Variants in UEVLD observed in about 807,000 individuals in gnomAD.
UEVLD encodes UEV and lactate/malate dehyrogenase domains.
A neutral mutation model predicts 58.6 loss-of-function variants in UEVLD; 47 were observed. The observed-to-expected ratio is 0.80, with a 90% CI of 0.63 to 1.02. UEVLD has a LOEUF of 1.02. Among genes scored for constraint, UEVLD ranks in the 50% least tolerant of loss-of-function variants. The pLI, the probability that UEVLD is intolerant of heterozygous loss-of-function variation, is 0.00. For synonymous variants in UEVLD, 197 were observed against 195.3 expected (o/e 1.01, Z -0.07); for missense variants, 510 against 550.6 (o/e 0.93, Z 0.74).
intron 1 of UEVLD, among the ~76,000 whole-genome samples, chr11:18,583,628 G>C (rs1002084134): frequency 1.4e-4 from 2 of 14,044 alleles, no homozygotes; most frequent in Non-Finnish European, 3.6e-4. Flanking sequence ...GTTTTTAGCA[G>C]GAAGGAATCT....
intron 1 of UEVLD, among the ~76,000 whole-genome samples, chr11:18,585,399 TC>T (rs755717510): frequency 1.2e-4 from 18 of 152,230 alleles, no homozygotes; most frequent in Non-Finnish European, 4.4e-5. Flanking sequence ...AGGTACAATT[TC>T]ATTTTTCTCA....
At chr11:18,550,886 T>A (rs771438278) in intron 7 of UEVLD, among the ~76,000 whole-genome samples, 2 of 152,212 alleles carry the variant, frequency 1.3e-5, no homozygotes, top group Admixed American at 1.3e-4. Flanking sequence ...TTCTGAAGAT[T>A]TTACTTAAAT....
intron 11 of UEVLD, 89 bp from the exon 12 acceptor site, chr11:18,532,576 G>T: frequency 1.8e-6 from 2 of 1,132,446 alleles, no homozygotes; most frequent in Non-Finnish European, 1.2e-6. Context: ...TTCTTAACTA[G>T]GACAAAGTGA....
At chr11:18,532,606 A>C (rs1041457426) in intron 11 of UEVLD, 119 bp from the exon 12 acceptor site, 3 of 815,588 alleles carry the variant, frequency 3.7e-6, no homozygotes, top group African/African-American at 3.6e-5. Context: ...GACTTAAAAA[A>C]ATTTTTTTGT....
At chr11:18,556,808 T>C (rs1024021505) in intron 7 of UEVLD, among the ~76,000 whole-genome samples, 1 of 152,008 alleles carries the variant, frequency 6.6e-6, no homozygotes, top group Non-Finnish European at 1.5e-5. Context: ...AAAAATGAGA[T>C]AGGGCAGGGT....
chr11:18,533,062 CTT>C (rs530237376), intron 11 of UEVLD, among the ~76,000 whole-genome samples: 13 of 133,928 alleles, frequency 9.7e-5, no homozygotes, highest in Admixed American at 1.5e-4. Flanking sequence ...CTTTTCTTTT[CTT>C]TTTTTTTTTT....
At chr11:18,581,677 CAAAA>C (rs11443134) in intron 1 of UEVLD, among the ~76,000 whole-genome samples, 1 of 99,156 alleles carries the variant, frequency 1.0e-5, no homozygotes, top group Non-Finnish European at 2.2e-5. Flanking sequence ...GACACTGTCT[CAAAA>C]AAAAAAAAAA....
intron 3 of UEVLD, among the ~76,000 whole-genome samples, chr11:18,574,848 T>C (rs1852817703): frequency 6.6e-6 from 1 of 152,180 alleles, no homozygotes; most frequent in African/African-American, 2.4e-5. Context: ...GATAATGCTA[T>C]ATCACATAGA....
intron 1 of UEVLD, among the ~76,000 whole-genome samples, chr11:18,580,420 T>C (rs1037858822): frequency 2.6e-5 from 4 of 152,146 alleles, no homozygotes; most frequent in African/African-American, 7.2e-5. Context: ...CAATTGTTCA[T>C]AGCAGCATTA....
intron 6 of UEVLD, chr11:18,563,831 CCTG>C (rs1852155934): frequency 3.7e-6 from 1 of 273,026 alleles, no homozygotes; most frequent in Non-Finnish European, 5.9e-6. Flanking sequence ...ATGGCAAAAC[CCTG>C]TCTCTGCTAA....
At chr11:18,579,532 T>G (rs1429309391) in intron 1 of UEVLD, 1 of 983,340 alleles carries the variant, frequency 1.0e-6, no homozygotes, top group Non-Finnish European at 1.2e-6. Flanking sequence ...ATACCTCGAC[T>G]TTCCCCTCCC....
chr11:18,588,585 C>A, intron 1 of UEVLD, 28 bp downstream of exon 1: 1 of 1,608,130 alleles, frequency 6.2e-7, no homozygotes, highest in Admixed American at 1.7e-5. Flanking sequence ...CCCTGAGGAC[C>A]CAAACTGGCC....
intron 7 of UEVLD, 33 bp downstream of exon 7, chr11:18,558,195 T>C: frequency 2.7e-6 from 4 of 1,493,704 alleles, no homozygotes; most frequent in Non-Finnish European, 3.7e-6. Context: ...GAAGATCTAA[T>C]AAGGCATACA....
chr11:18,571,410 C>A (rs1470497415), intron 3 of UEVLD, among the ~76,000 whole-genome samples: 2 of 152,080 alleles, frequency 1.3e-5, no homozygotes, highest in African/African-American at 2.4e-5. Flanking sequence ...AAGGATCTGC[C>A]TCCACCAATG....
At position 18,529,902 on chromosome 11, in the gene UEVLD, C is replaced by A. The variant is rs1307063060; in HGVS notation, c.*2418G>T. The A allele has an allele frequency of 1.3e-5, 2 of 152,154 alleles. No homozygotes were observed. Among genetic ancestry groups the A allele is most frequent in the African/African-American group, 4.8e-5 (2 of 41,442 alleles). 9.4% of individuals were successfully genotyped at this position (152,154 alleles called of 1,614,324 possible). A position where few individuals can be genotyped will look rare whatever the true frequency, so the allele number is the denominator to read the frequency against. ...ATACACTTAACACTCAAGGAAATAT[C>A]TGATACAGAGAATTACTTCTACATT... is the stretch of plus-strand genomic sequence containing the variant. On this transcript the variant is annotated 3_prime_UTR_variant, in exon 12 of 12. Coordinates refer to ENST00000396197, the MANE Select transcript of UEVLD (RefSeq NM_001040697.4).
chr11:18,563,584 C>G, intron 6 of UEVLD: 1 of 767,800 alleles, frequency 1.3e-6, no homozygotes, highest in Non-Finnish European at 1.6e-6. Flanking sequence ...GAACATGACC[C>G]TGTCTAAATA....
chr11:18,558,472 A>G, intron 6 of UEVLD, 142 bp from the exon 7 acceptor site: 1 of 453,008 alleles, frequency 2.2e-6, no homozygotes, highest in African/African-American at 2.0e-5. Context: ...CACAATAGCA[A>G]TAAAAGTGAC....
chr11:18,538,667 A>G (rs1039471474), intron 9 of UEVLD, among the ~76,000 whole-genome samples: 4 of 151,902 alleles, frequency 2.6e-5, no homozygotes, highest in Non-Finnish European at 2.9e-5. Context: ...GGAAAATACA[A>G]AACCTCTCGC....
intron 1 of UEVLD, among the ~76,000 whole-genome samples, chr11:18,586,556 T>C (rs1344892498): frequency 6.6e-6 from 1 of 152,162 alleles, no homozygotes; most frequent in Non-Finnish European, 1.5e-5. Flanking sequence ...GGTCTCGTTC[T>C]GTCTCCCAGG....
Sources: gnomAD v4.1 joint callset for allele counts (sites outside exome capture counted in the v4.1 genomes callset) on GRCh38, gnomAD v4.1.1 for gene constraint, MANE v1.5 for transcripts, NCBI Gene and HGNC (gene_info 2026-07-23, HGNC 2026-07-21) for gene names.